Variants in LARGE1 observed in about 807,000 individuals in gnomAD.
LARGE1 encodes the protein LARGE xylosyl- and glucuronyltransferase 1.
Under a neutral mutation model 87.6 loss-of-function variants are expected in LARGE1, and 43 were observed. The observed-to-expected ratio is 0.49, with a 90% confidence interval of 0.38 to 0.63. LARGE1 has a LOEUF of 0.63. Among genes scored for constraint, LARGE1 ranks in the 30% least tolerant of loss-of-function variants. LARGE1 has a pLI of 0.00. For missense variants in LARGE1, 802 were observed against 1,000.2 expected, an observed-to-expected ratio of 0.80 and a Z score of 2.67; for synonymous variants, 434 against 394.6, an observed-to-expected ratio of 1.10 and a Z score of -1.18.
chr22:33,781,160 C>T (rs144009631), intron 1 of LARGE1, among the ~76,000 whole-genome samples: 72 of 152,242 alleles, frequency 4.7e-4, no homozygotes, highest in African/African-American at 1.5e-3. Flanking sequence ...GAGCAGGGTA[C>T]GGTAAATTGC....
chr22:33,404,123 G>A (rs547070294), intron 7 of LARGE1, among the ~76,000 whole-genome samples: 2 of 152,290 alleles, frequency 1.3e-5, no homozygotes, highest in Admixed American at 6.5e-5. Flanking sequence ...AAAGCAGGGA[G>A]GGGAGATAAA....
intron 1 of LARGE1, among the ~76,000 whole-genome samples, chr22:33,860,443 C>T (rs929484153): frequency 5.3e-5 from 8 of 152,172 alleles, no homozygotes; most frequent in African/African-American, 1.9e-4. Context: ...TCTTTGTTTT[C>T]GGAATAAGAA....
At chr22:33,302,646 A>G (rs111703252) in intron 12 of LARGE1, among the ~76,000 whole-genome samples, 3 of 152,176 alleles carry the variant, frequency 2.0e-5, no homozygotes, top group Admixed American at 6.5e-5. Flanking sequence ...GAAAGATACT[A>G]AGAGACAGAG....
intron 1 of LARGE1, chr22:33,873,096 A>G (rs2064349853): frequency 6.6e-6 from 1 of 152,232 alleles, no homozygotes; most frequent in Admixed American, 6.5e-5. Flanking sequence ...ACCAGAAAGC[A>G]TGCCCACTCA....
At chr22:33,744,827 T>C (rs2084019964) in intron 2 of LARGE1, among the ~76,000 whole-genome samples, 1 of 152,178 alleles carries the variant, frequency 6.6e-6, no homozygotes, top group Non-Finnish European at 1.5e-5. Flanking sequence ...GTATATATGG[T>C]GGGTGAGAAC....
At chr22:33,389,847 AAACCAACC>A (rs143324200) in intron 7 of LARGE1, among the ~76,000 whole-genome samples, 1,524 of 140,094 alleles carry the variant, frequency 0.011, 25 homozygotes, top group African/African-American at 0.036. Context: ...TCAGTCTCAA[AAACCAACC>A]AACCAACCAA....
chr22:33,199,194 C>A (rs1285306155), intron 11 of LARGE1, among the ~76,000 whole-genome samples: 1 of 115,538 alleles, frequency 8.7e-6, no homozygotes, highest in Admixed American at 8.0e-5. Flanking sequence ...TTTTTAATAG[C>A]GCTGTTTGAG....
At chr22:33,230,466 A>G (rs5754492) in intron 11 of LARGE1, among the ~76,000 whole-genome samples, 3,758 of 152,300 alleles carry the variant, frequency 0.025, 53 homozygotes, top group African/African-American at 0.033. Flanking sequence ...GATTAGAAGG[A>G]CCCTGAAAAT....
At chr22:33,366,050 C>T (rs1405827088) in intron 9 of LARGE1, among the ~76,000 whole-genome samples, 2 of 152,198 alleles carry the variant, frequency 1.3e-5, no homozygotes, top group Admixed American at 6.5e-5. Flanking sequence ...AGTCTTAAGG[C>T]CAGTTTCCCT....
chr22:33,226,044 T>C (rs888686230), intron 11 of LARGE1, among the ~76,000 whole-genome samples: 12 of 152,260 alleles, frequency 7.9e-5, no homozygotes, highest in Non-Finnish European at 2.9e-5. Flanking sequence ...GTCTTTATGG[T>C]AGAATTTACA....
In LARGE1 at chr22:33,335,188, TTGA is replaced by T. The variant is rs552364184; in HGVS notation, c.1287+2455_1287+2457del. ...AATGTGCCGAATGGGCACTCAAATC[TTGA>T]TGATGATACATACTGATGTGAGCAA... On this transcript the variant is annotated intron_variant, in intron 10 of 14. Transcript: ENST00000397394. Among the ~76,000 whole-genome samples, 367 of 152,336 alleles carry T rather than the reference TTGA, an allele frequency of 2.4e-3. 9 individuals are homozygous for T. Among genetic ancestry groups the T allele is most frequent in the Admixed American group, 0.023 (352 of 15,304 alleles).
At chr22:33,899,444 C>T (rs1056969257) in intron 1 of LARGE1, among the ~76,000 whole-genome samples, 44 of 152,178 alleles carry the variant, frequency 2.9e-4, no homozygotes, top group African/African-American at 1.0e-3. Flanking sequence ...CCAATAAATA[C>T]CAAGAGGAGT....
At chr22:33,922,261 G>C (rs2065968093), upstream of LARGE1, among the ~76,000 whole-genome samples, 1 of 148,154 alleles carries the variant, frequency 6.7e-6, no homozygotes, top group South Asian at 2.2e-4. Flanking sequence ...CCCACTCCTC[G>C]AGGTCGGGCT....
chr22:33,777,372 T>G (rs1353119069), intron 1 of LARGE1, among the ~76,000 whole-genome samples: 7 of 152,044 alleles, frequency 4.6e-5, no homozygotes, highest in Non-Finnish European at 4.4e-5. Context: ...GCGTCGTGGC[T>G]CACATCTGTA....
chr22:33,798,368 A>G (rs1049575944), intron 1 of LARGE1, among the ~76,000 whole-genome samples: 1 of 152,248 alleles, frequency 6.6e-6, no homozygotes, highest in African/African-American at 2.4e-5. Flanking sequence ...AATAGTGAGT[A>G]TAGGTATTAC....
intron 3 of LARGE1, among the ~76,000 whole-genome samples, chr22:33,646,302 G>C (rs1221092297): frequency 6.6e-6 from 1 of 152,134 alleles, no homozygotes; most frequent in African/African-American, 2.4e-5. Context: ...GAATGAAGCT[G>C]GAAAACAGCA....
At chr22:33,362,635 C>T (rs750839693) in intron 9 of LARGE1, among the ~76,000 whole-genome samples, 2 of 149,818 alleles carry the variant, frequency 1.3e-5, no homozygotes, top group African/African-American at 2.5e-5. Flanking sequence ...TGATTATTAC[C>T]GAAGGTGTTT....
intron 6 of LARGE1, among the ~76,000 whole-genome samples, chr22:33,490,327 A>T (rs5998967): frequency 0.022 from 3,295 of 152,260 alleles, 87 homozygotes; most frequent in African/African-American, 0.065. Flanking sequence ...AATAAAGAGG[A>T]ATCCCTGTCA....
chr22:33,871,241 C>G (rs1252577956), intron 1 of LARGE1, among the ~76,000 whole-genome samples: 2 of 152,190 alleles, frequency 1.3e-5, no homozygotes, highest in Non-Finnish European at 2.9e-5. Context: ...TCTATAGCAG[C>G]AACAGAAATC....
Sources: gnomAD v4.1 joint callset for allele counts (sites outside exome capture counted in the v4.1 genomes callset) on GRCh38, gnomAD v4.1.1 for gene constraint, MANE v1.5 for transcripts, NCBI Gene and HGNC (gene_info 2026-07-23, HGNC 2026-07-21) for gene names.